CFDP1: variants seen among roughly 807,000 people sequenced by gnomAD.
CFDP1 encodes the protein chromatin remodeling protein CFDP1.
Under a neutral mutation model 40.1 loss-of-function variants are expected in CFDP1, and 31 were observed. The ratio of observed to expected loss-of-function variants is 0.77; its 90% CI spans 0.58 to 1.04. The LOEUF (loss-of-function observed/expected upper bound fraction) is 1.04. Ranked by LOEUF, CFDP1 falls within the 50% of genes least tolerant of loss-of-function variation. CFDP1 has a pLI of 0.00. For synonymous variants in CFDP1, 167 were observed against 120.0 expected (o/e 1.39, Z -2.56); for missense variants, 423 against 343.4 (o/e 1.23, Z -1.83).
intron 5 of CFDP1, among the ~76,000 whole-genome samples, chr16:75,356,538 T>C (rs1383406820): frequency 6.6e-6 from 1 of 152,172 alleles, no homozygotes; most frequent in African/African-American, 2.4e-5. Flanking sequence ...GAGTAGATTA[T>C]AATTCTTAAG....
intron 6 of CFDP1, among the ~76,000 whole-genome samples, chr16:75,304,076 CTT>C (rs778799325): frequency 7.3e-6 from 1 of 136,070 alleles, no homozygotes; most frequent in South Asian, 2.4e-4. Context: ...CTCTCTCTCT[CTT>C]TCTTTCTTGA....
chr16:75,324,328 G>C (rs1015860022), intron 5 of CFDP1, among the ~76,000 whole-genome samples: 2 of 152,150 alleles, frequency 1.3e-5, no homozygotes, highest in Admixed American at 1.3e-4. Context: ...AGATGTGTGT[G>C]AATGCACTTA....
At chr16:75,322,092 G>A (rs1367306398) in intron 5 of CFDP1, among the ~76,000 whole-genome samples, 1 of 152,202 alleles carries the variant, frequency 6.6e-6, no homozygotes, top group Non-Finnish European at 1.5e-5. Context: ...CCAAAGTGCT[G>A]GGGTTACAGG....
intron 5 of CFDP1, among the ~76,000 whole-genome samples, chr16:75,313,320 T>G (rs1021683334): frequency 6.6e-6 from 1 of 152,162 alleles, no homozygotes; most frequent in Non-Finnish European, 1.5e-5. Flanking sequence ...TGCTACCAGG[T>G]AGGCATGTGA....
intron 5 of CFDP1, among the ~76,000 whole-genome samples, chr16:75,365,900 G>A (rs985824325): frequency 2.0e-5 from 3 of 152,160 alleles, no homozygotes; most frequent in African/African-American, 7.2e-5. Flanking sequence ...CTGTTCATGA[G>A]GAAGTGGACA....
chr16:75,368,658 ACTTTT>A (rs1427022961), intron 5 of CFDP1, among the ~76,000 whole-genome samples: 3 of 152,020 alleles, frequency 2.0e-5, no homozygotes, highest in Non-Finnish European at 4.4e-5. Context: ...CTTACACTTT[ACTTTT>A]GTGTGTAGGT....
chr16:75,407,490 C>A (rs1275092800), intron 4 of CFDP1, among the ~76,000 whole-genome samples: 1 of 150,502 alleles, frequency 6.6e-6, no homozygotes, highest in East Asian at 2.0e-4. Flanking sequence ...GCAGCCTGGG[C>A]AACACAGTGA....
intron 6 of CFDP1, among the ~76,000 whole-genome samples, chr16:75,294,987 G>A (rs1024072124): frequency 1.3e-5 from 2 of 152,280 alleles, no homozygotes; most frequent in Admixed American, 6.5e-5. Flanking sequence ...TTGCCTGGGC[G>A]GAGGAGATCT....
At position 75,365,347 on chromosome 16, in the gene CFDP1, A is replaced by G. The variant is rs149229540; in HGVS notation, c.650+29743T>C. Among the ~76,000 whole-genome samples, 12 of 152,326 alleles carry G rather than the reference A, an allele frequency of 7.9e-5. No homozygotes were observed. The East Asian group carries it at 2.3e-3, about 29-fold the overall frequency. ...GCCAATACATAGAAAACTCTTGCCT[A>G]TTTGAAGGCACTGGAGAGCAACCAA... On this transcript the variant is annotated intron_variant, in intron 5 of 6. Coordinates refer to ENST00000283882, the MANE Select transcript of CFDP1 (RefSeq NM_006324.3).
chr16:75,335,536 C>CA (rs2078480591), intron 5 of CFDP1, among the ~76,000 whole-genome samples: 1 of 151,454 alleles, frequency 6.6e-6, no homozygotes, highest in Admixed American at 6.6e-5. Flanking sequence ...TATCTATAAG[C>CA]ACTTTTGACA....
At chr16:75,417,115 G>T (rs1158465590) in intron 1 of CFDP1, among the ~76,000 whole-genome samples, 1 of 152,088 alleles carries the variant, frequency 6.6e-6, no homozygotes, top group South Asian at 2.1e-4. Flanking sequence ...AGGCTGAAGT[G>T]AGCCATGAAC....
At chr16:75,342,261 C>T (rs2078532321) in intron 5 of CFDP1, among the ~76,000 whole-genome samples, 1 of 152,162 alleles carries the variant, frequency 6.6e-6, no homozygotes, top group African/African-American at 2.4e-5. Context: ...CTGGAAAAGT[C>T]TGGGATGTAT....
intron 1 of CFDP1, among the ~76,000 whole-genome samples, chr16:75,425,759 C>T (rs1333642282): frequency 6.6e-6 from 1 of 151,524 alleles, no homozygotes; most frequent in East Asian, 1.9e-4. Context: ...GCTGGCCGGG[C>T]ACGGTGGCTC....
intron 5 of CFDP1, among the ~76,000 whole-genome samples, chr16:75,305,655 C>T (rs999998033): frequency 2.6e-4 from 39 of 152,168 alleles, no homozygotes; most frequent in Non-Finnish European, 5.9e-5. Flanking sequence ...CAGCACTTGG[C>T]ACAGCGTCAA....
chr16:75,381,882 A>G (rs1380352967), intron 5 of CFDP1, among the ~76,000 whole-genome samples: 1 of 152,184 alleles, frequency 6.6e-6, no homozygotes, highest in Non-Finnish European at 1.5e-5. Context: ...TGATACTATT[A>G]GATGCATAAA....
intron 5 of CFDP1, among the ~76,000 whole-genome samples, chr16:75,371,261 C>G (rs1460336956): frequency 6.6e-6 from 1 of 152,188 alleles, no homozygotes; most frequent in Non-Finnish European, 1.5e-5. Context: ...CCAGAAATGT[C>G]TCTAGACACT....
intron 5 of CFDP1, among the ~76,000 whole-genome samples, chr16:75,319,320 G>C (rs1316141399): frequency 6.6e-6 from 1 of 152,150 alleles, no homozygotes; most frequent in Non-Finnish European, 1.5e-5. Context: ...GGGATTACAG[G>C]TGTGAGCCAC....
At chr16:75,299,180 G>A (rs192013318) in intron 6 of CFDP1, among the ~76,000 whole-genome samples, 1 of 152,282 alleles carries the variant, frequency 6.6e-6, no homozygotes, top group Admixed American at 6.5e-5. Flanking sequence ...ATTCTTTGCT[G>A]GACAAATGAC....
At chr16:75,350,812 T>C (rs1259972511) in intron 5 of CFDP1, among the ~76,000 whole-genome samples, 1 of 152,166 alleles carries the variant, frequency 6.6e-6, no homozygotes, top group Non-Finnish European at 1.5e-5. Flanking sequence ...ATATGGTCTA[T>C]TACCGTTAAT....
Sources: allele counts gnomAD v4.1 joint callset (sites outside exome capture counted in the v4.1 genomes callset), GRCh38; gene constraint gnomAD v4.1.1; transcripts MANE v1.5; gene names NCBI Gene and HGNC (gene_info 2026-07-23, HGNC 2026-07-21).